Variants in SUPT3H observed in about 807,000 individuals in gnomAD.
SUPT3H encodes the protein transcription initiation protein SPT3 homolog.
A neutral mutation model predicts 44.3 loss-of-function variants in SUPT3H; 44 were observed. The ratio of observed to expected loss-of-function variants is 0.99; its 90% CI spans 0.78 to 1.28. The LOEUF (loss-of-function observed/expected upper bound fraction) is 1.28. SUPT3H is among the 50% of genes most tolerant of loss of function. SUPT3H has a pLI of 0.00. For missense variants in SUPT3H, 380 were observed against 387.1 expected, an observed-to-expected ratio of 0.98 and a Z score of 0.15; for synonymous variants, 124 against 125.6, an observed-to-expected ratio of 0.99 and a Z score of 0.09.
intron 2 of SUPT3H, among the ~76,000 whole-genome samples, chr6:45,158,288 A>ATTTTTTTTTTTTTTTTTT (rs1193308614): frequency 2.5e-5 from 1 of 39,672 alleles, no homozygotes; most frequent in Non-Finnish European, 5.4e-5. Flanking sequence ...ATATATATAT[A>ATTTTTTTTTTTTTTTTTT]TATATATATA....
intron 2 of SUPT3H, among the ~76,000 whole-genome samples, chr6:45,115,068 A>T (rs1218971674): frequency 6.6e-6 from 1 of 152,200 alleles, no homozygotes; most frequent in Non-Finnish European, 1.5e-5. Context: ...TAACATTGAA[A>T]ACAGATACAC....
intron 6 of SUPT3H, among the ~76,000 whole-genome samples, chr6:44,981,384 G>T (rs1241108036): frequency 6.6e-6 from 1 of 152,142 alleles, no homozygotes; most frequent in Non-Finnish European, 1.5e-5. Flanking sequence ...TAAAGCAAAT[G>T]ACATTTAAGA....
chr6:45,106,971 A>C (rs2153571889), intron 2 of SUPT3H, among the ~76,000 whole-genome samples: 1 of 152,370 alleles, frequency 6.6e-6, no homozygotes, highest in East Asian at 1.9e-4. Flanking sequence ...AAGGTATAAA[A>C]GTGTATGATG....
At chr6:45,199,800 A>T (rs1485935175) in intron 2 of SUPT3H, among the ~76,000 whole-genome samples, 1 of 151,440 alleles carries the variant, frequency 6.6e-6, no homozygotes, top group African/African-American at 2.4e-5. Flanking sequence ...ATAATTCAGA[A>T]ATGTTTTCCT....
chr6:45,012,918 G>A (rs1242550178), intron 5 of SUPT3H, among the ~76,000 whole-genome samples: 2 of 152,122 alleles, frequency 1.3e-5, no homozygotes, highest in Admixed American at 1.3e-4. Flanking sequence ...GCAGCCTTGA[G>A]TATGCAAACA....
At chr6:44,847,007 C>T (rs1771986581) in intron 10 of SUPT3H, among the ~76,000 whole-genome samples, 1 of 152,314 alleles carries the variant, frequency 6.6e-6, no homozygotes, top group East Asian at 1.9e-4. Flanking sequence ...GTTTGACTTT[C>T]TTGGCTTTTT....
chr6:45,224,434 C>G (rs1487048976), intron 2 of SUPT3H, among the ~76,000 whole-genome samples: 2 of 152,116 alleles, frequency 1.3e-5, no homozygotes, highest in African/African-American at 4.8e-5. Context: ...AGTGACACTT[C>G]ACAGTGTACA....
At chr6:45,245,038 A>G (rs1562781754) in intron 2 of SUPT3H, among the ~76,000 whole-genome samples, 1 of 152,120 alleles carries the variant, frequency 6.6e-6, no homozygotes, top group Non-Finnish European at 1.5e-5. Flanking sequence ...TTTACCTTCG[A>G]GCATTAAAAG....
intron 2 of SUPT3H, among the ~76,000 whole-genome samples, chr6:45,178,157 G>A (rs879893214): frequency 2.0e-5 from 3 of 152,158 alleles, no homozygotes; most frequent in Admixed American, 6.5e-5. Context: ...CCATCAGTGT[G>A]CTGTATTTAG....
At chr6:45,297,073 A>C (rs1458537252) in intron 2 of SUPT3H, among the ~76,000 whole-genome samples, 1 of 119,326 alleles carries the variant, frequency 8.4e-6, no homozygotes, top group African/African-American at 3.2e-5. Context: ...TACGGAAATA[A>C]ATTTAAAAAA....
intron 3 of SUPT3H, among the ~76,000 whole-genome samples, chr6:45,039,060 TC>T (rs1276195887): frequency 1.3e-5 from 2 of 152,132 alleles, no homozygotes; most frequent in Admixed American, 6.6e-5. Flanking sequence ...CTATTTCACT[TC>T]CCGTTAGTGC....
chr6:44,829,982 T>A, intron 10 of SUPT3H, 125 bp from the exon 11 acceptor site: 1 of 820,692 alleles, frequency 1.2e-6, no homozygotes, highest in East Asian at 2.6e-5. Context: ...AATAGAATGC[T>A]TAATCTGAAT....
intron 3 of SUPT3H, among the ~76,000 whole-genome samples, chr6:45,031,562 C>T (rs1031527096): frequency 9.9e-5 from 15 of 152,104 alleles, no homozygotes; most frequent in South Asian, 2.1e-4. Flanking sequence ...TTTGTTGTTA[C>T]GGTTTTTAAC....
intron 10 of SUPT3H, among the ~76,000 whole-genome samples, chr6:44,920,569 A>G (rs1302819646): frequency 6.7e-6 from 1 of 149,874 alleles, no homozygotes; most frequent in Non-Finnish European, 1.5e-5. Flanking sequence ...TTCTTTCAAA[A>G]AAAAAAAAAA....
chr6:45,205,521 C>T (rs1023691606), intron 2 of SUPT3H, among the ~76,000 whole-genome samples: 6 of 151,874 alleles, frequency 4.0e-5, no homozygotes, highest in Non-Finnish European at 7.4e-5. Flanking sequence ...GCAATGGTTG[C>T]GGGTGGTGGC....
intron 10 of SUPT3H, among the ~76,000 whole-genome samples, chr6:44,849,220 C>CTATT (rs746924269): frequency 2.4e-4 from 23 of 96,636 alleles, no homozygotes; most frequent in Non-Finnish European, 3.9e-4. Context: ...CAAATGAATA[C>CTATT]TTTTTTTTTT....
intron 2 of SUPT3H, among the ~76,000 whole-genome samples, chr6:45,173,739 C>G (rs1053781647): frequency 6.6e-6 from 1 of 152,204 alleles, no homozygotes; most frequent in African/African-American, 2.4e-5. Context: ...ATACATACTT[C>G]AAAAGCCTAA....
At chr6:44,936,735 T>C (rs1313783960) in intron 9 of SUPT3H, among the ~76,000 whole-genome samples, 1 of 152,168 alleles carries the variant, frequency 6.6e-6, no homozygotes. Flanking sequence ...TGGTGCGATC[T>C]TGACTCAATG....
At chr6:44,899,517 T>C (rs567054) in intron 10 of SUPT3H, among the ~76,000 whole-genome samples, 77,638 of 151,738 alleles carry the variant, frequency 0.51, 20,418 homozygotes, top group Admixed American at 0.59. Flanking sequence ...GAAACCCCGT[T>C]TCTAATAAAA....
Sources: gnomAD v4.1 joint callset for allele counts (sites outside exome capture counted in the v4.1 genomes callset) on GRCh38, gnomAD v4.1.1 for gene constraint, MANE v1.5 for transcripts, NCBI Gene and HGNC (gene_info 2026-07-23, HGNC 2026-07-21) for gene names.